Variants in GAD2 observed in about 807,000 individuals in gnomAD.
GAD2 encodes 65 kDa glutamic acid decarboxylase.
A neutral mutation model predicts 80.1 loss-of-function variants in GAD2; 22 were observed. The observed-to-expected ratio is 0.27, with a 90% CI of 0.20 to 0.39. The LOEUF (loss-of-function observed/expected upper bound fraction) is 0.39, where lower values mean the gene tolerates loss of function less well. Among genes scored for constraint, GAD2 ranks in the 10% least tolerant of loss-of-function variants. The pLI, the probability that GAD2 is intolerant of heterozygous loss-of-function variation, is 1.00. For missense variants in GAD2, 624 were observed against 738.4 expected (o/e 0.85, Z 1.80); for synonymous variants, 274 against 256.9 (o/e 1.07, Z -0.64).
chr10:26,241,969 A>ATTTTG (rs1844748523), intron 7 of GAD2, among the ~76,000 whole-genome samples: 1 of 151,434 alleles, frequency 6.6e-6, no homozygotes, highest in African/African-American at 2.4e-5. Flanking sequence ...CACTGGTTCC[A>ATTTTG]TTTGTTTGTT....
intron 11 of GAD2, among the ~76,000 whole-genome samples, chr10:26,276,207 A>C (rs1306100362): frequency 1.3e-5 from 2 of 152,052 alleles, no homozygotes; most frequent in East Asian, 3.9e-4. Context: ...AATGGCACAA[A>C]CACCTGGAGC....
chr10:26,225,159 T>TTTC (rs1844504770), intron 6 of GAD2, among the ~76,000 whole-genome samples: 1 of 152,212 alleles, frequency 6.6e-6, no homozygotes, highest in Non-Finnish European at 1.5e-5. Flanking sequence ...AGAGAACGCT[T>TTTC]TGGGAGAGAA....
At chr10:26,296,118 G>A (rs976212478) in intron 15 of GAD2, among the ~76,000 whole-genome samples, 4 of 152,006 alleles carry the variant, frequency 2.6e-5, no homozygotes, top group Admixed American at 1.3e-4. Context: ...TTCCTGGTTC[G>A]TCAATGGCCT....
intron 6 of GAD2, among the ~76,000 whole-genome samples, chr10:26,229,109 G>T (rs1046009702): frequency 2.0e-5 from 3 of 151,882 alleles, no homozygotes; most frequent in African/African-American, 7.3e-5. Context: ...CAGGAGAATT[G>T]CTTGAACCCA....
intron 8 of GAD2, among the ~76,000 whole-genome samples, chr10:26,262,369 A>G (rs1845019356): frequency 6.6e-6 from 1 of 150,592 alleles, no homozygotes; most frequent in Non-Finnish European, 1.5e-5. Context: ...CTTTAAGATT[A>G]TTATAAAGCT....
intron 13 of GAD2, among the ~76,000 whole-genome samples, chr10:26,289,223 C>T (rs188562714): frequency 6.3e-4 from 96 of 152,126 alleles, no homozygotes; most frequent in South Asian, 3.9e-3. Flanking sequence ...ATCCTCTTCC[C>T]GCAAGAAGAG....
Position 26,300,980 on chromosome 10 carries a change from T to C in GAD2, c.*19T>C, listed in dbSNP as rs1834323989. On this transcript the variant is annotated 3_prime_UTR_variant, in exon 16 of 16. Coordinates refer to ENST00000376261, the MANE Select transcript of GAD2 (RefSeq NM_001134366.2). ...TTTATAATAACCTTGCTCACCAAGC[T>C]GTTCCACTTCTCTAGGTAGACAATT... 1 of 1,601,270 alleles carries C rather than the reference T, an allele frequency of 6.2e-7. No homozygotes were observed. Among genetic ancestry groups the C allele is most frequent in the Non-Finnish European group, 8.6e-7 (1 of 1,168,882 alleles).
chr10:26,270,817 A>C, intron 10 of GAD2, 61 bp downstream of exon 10: 2 of 1,059,448 alleles, frequency 1.9e-6, no homozygotes, highest in Non-Finnish European at 1.5e-6. Flanking sequence ...TGTGGGACAC[A>C]CAAAGGAAAT....
chr10:26,236,394 G>A lies in GAD2; in HGVS notation c.840+6617G>A, dbSNP rs112113913. 2.8e-3 allele frequency among the ~76,000 whole-genome samples: 419 copies of A among 149,714 alleles called. No individual in the cohort carries two copies. The Middle Eastern group carries it at 0.035, about 12-fold the overall frequency. On this transcript the variant is annotated intron_variant, in intron 7 of 15. Transcript: ENST00000376261. ...CAGCTCACTGCAACCTCCGCCTCCCGGGATCAAGCAATGGTCCTGCCTCAG... is the reference window on the plus strand; with the variant it reads ...CAGCTCACTGCAACCTCCGCCTCCCAGGATCAAGCAATGGTCCTGCCTCAG...
At chr10:26,300,762 C>T in intron 15 of GAD2, 26 bp from the exon 16 acceptor site, 1 of 1,604,468 alleles carries the variant, frequency 6.2e-7, no homozygotes, top group Non-Finnish European at 8.5e-7. Context: ...GAGAAAGTCA[C>T]CATGCTGATA....
At chr10:26,216,705 G>A, upstream of GAD2, 1 of 845,432 alleles carries the variant, frequency 1.2e-6, no homozygotes, top group Non-Finnish European at 1.8e-6. The surrounding 1 kb of genome is among the most constrained non-coding windows in gnomAD (Gnocchi z 4.7). Context: ...CCCGCGCGGT[G>A]CCCTCCTCCC....
At chr10:26,273,042 G>C (rs1171337973) in intron 10 of GAD2, among the ~76,000 whole-genome samples, 3 of 152,178 alleles carry the variant, frequency 2.0e-5, no homozygotes, top group Non-Finnish European at 4.4e-5. Flanking sequence ...ATTTTTAAAG[G>C]AGATTACTAC....
At chr10:26,274,994 G>A (rs1369136998) in intron 11 of GAD2, among the ~76,000 whole-genome samples, 6 of 152,212 alleles carry the variant, frequency 3.9e-5, no homozygotes, top group Non-Finnish European at 7.3e-5. Flanking sequence ...ATGAGGGCAG[G>A]TGTGTCTCCC....
At chr10:26,292,815 C>A (rs1034615279) in intron 14 of GAD2, 87 bp from the exon 15 acceptor site, 1 of 1,127,782 alleles carries the variant, frequency 8.9e-7, no homozygotes, top group Non-Finnish European at 1.3e-6. Flanking sequence ...TGTTCTGAAC[C>A]TGCTGAATAC....
At chr10:26,264,747 G>A (rs898630658) in intron 8 of GAD2, among the ~76,000 whole-genome samples, 15 of 152,178 alleles carry the variant, frequency 9.9e-5, no homozygotes, top group Non-Finnish European at 4.4e-5. Flanking sequence ...TCTAAAACTG[G>A]TCATTTATCG....
chr10:26,270,106 G>A (rs115379144), intron 9 of GAD2, among the ~76,000 whole-genome samples: 1,659 of 152,276 alleles, frequency 0.011, 24 homozygotes, highest in African/African-American at 0.037. Flanking sequence ...GAGAGACTGA[G>A]GACTAGTTAG....
intron 13 of GAD2, among the ~76,000 whole-genome samples, chr10:26,287,257 TAGAC>T (rs1427171412): frequency 6.6e-6 from 1 of 152,170 alleles, no homozygotes; most frequent in Non-Finnish European, 1.5e-5. Context: ...AGGAGATAAA[TAGAC>T]AGAGCCAGCT....
chr10:26,259,399 C>T (rs1332138252), intron 8 of GAD2, among the ~76,000 whole-genome samples: 2 of 152,140 alleles, frequency 1.3e-5, no homozygotes, highest in Admixed American at 1.3e-4. Context: ...GCTTGTTTTT[C>T]ATAGCAGCCT....
intron 8 of GAD2, among the ~76,000 whole-genome samples, chr10:26,263,064 C>T (rs1016427163): frequency 2.0e-5 from 3 of 152,102 alleles, no homozygotes; most frequent in African/African-American, 7.2e-5. Context: ...CTCAGTTGCA[C>T]ATCACTTGCA....
Sources: allele counts gnomAD v4.1 joint callset (sites outside exome capture counted in the v4.1 genomes callset), GRCh38; gene constraint gnomAD v4.1.1; non-coding constraint Gnocchi (gnomAD v3.1); transcripts MANE v1.5; gene names NCBI Gene and HGNC (gene_info 2026-07-23, HGNC 2026-07-21).